CACNA1A: variants seen among roughly 807,000 people sequenced by gnomAD.
The protein encoded by CACNA1A is voltage-dependent P/Q-type calcium channel subunit alpha-1A.
In CACNA1A, 57 loss-of-function variants were observed where a neutral mutation model predicts 262.4. The ratio of observed to expected loss-of-function variants is 0.22; its 90% confidence interval spans 0.18 to 0.27. The LOEUF (loss-of-function observed/expected upper bound fraction) is 0.27. Ranked by LOEUF, CACNA1A falls within the 10% of genes least tolerant of loss-of-function variation. The probability of loss-of-function intolerance (pLI) is 1.00; values close to 1 mark genes in which losing one functional copy is unlikely to be tolerated. For synonymous variants in CACNA1A, 1,431 were observed against 1,419.3 expected, an observed-to-expected ratio of 1.01 and a Z score of -0.18; for missense variants, 2,526 against 3,562.8, an observed-to-expected ratio of 0.71 and a Z score of 7.41.
chr19:13,282,135 T>C (rs2057306571), intron 22 of CACNA1A, among the ~76,000 whole-genome samples: 1 of 152,190 alleles, frequency 6.6e-6, no homozygotes, highest in African/African-American at 2.4e-5. Context: ...AATTATTTCC[T>C]TCCATCTCCC....
chr19:13,266,505 C>T (rs2144788970), intron 24 of CACNA1A, among the ~76,000 whole-genome samples: 1 of 152,302 alleles, frequency 6.6e-6, no homozygotes, highest in Admixed American at 6.5e-5. Context: ...GAGCATGTCT[C>T]CATGGGCATT....
chr19:13,262,539 C>T, intron 25 of CACNA1A, 195 bp downstream of exon 25: 1 of 565,880 alleles, frequency 1.8e-6, no homozygotes, highest in South Asian at 2.3e-5. Context: ...CCATAATACA[C>T]AGATTATTTT....
intron 3 of CACNA1A, among the ~76,000 whole-genome samples, chr19:13,431,271 G>A (rs1435685440): frequency 6.6e-6 from 1 of 152,008 alleles, no homozygotes; most frequent in Non-Finnish European, 1.5e-5. Flanking sequence ...TTTAGTCCAG[G>A]CCAGCAAAGA....
At chr19:13,486,731 A>T (rs898833974) in intron 1 of CACNA1A, among the ~76,000 whole-genome samples, 4 of 151,568 alleles carry the variant, frequency 2.6e-5, no homozygotes, top group Non-Finnish European at 5.9e-5. Flanking sequence ...CCTCTCCTTC[A>T]TCCCTTCCAT....
intron 3 of CACNA1A, among the ~76,000 whole-genome samples, chr19:13,376,848 T>C (rs1411625392): frequency 6.8e-6 from 1 of 146,324 alleles, no homozygotes; most frequent in Admixed American, 6.9e-5. Flanking sequence ...ATGTGATATA[T>C]AACACATATG....
At chr19:13,334,184 A>T (rs1043122878) in intron 8 of CACNA1A, 194 bp downstream of exon 8, 4 of 553,258 alleles carry the variant, frequency 7.2e-6, no homozygotes, top group Non-Finnish European at 1.3e-5. Flanking sequence ...GTGATGTCAG[A>T]TCCTGGCTTC....
intron 37 of CACNA1A, 50 bp downstream of exon 37, chr19:13,227,381 G>A (rs12982491): frequency 5.2e-5 from 30 of 573,572 alleles, no homozygotes; most frequent in South Asian, 1.5e-4. Flanking sequence ...AGAAGAAGAA[G>A]AAAAAAAAAC....
intron 34 of CACNA1A, among the ~76,000 whole-genome samples, chr19:13,233,897 A>C (rs1174686497): frequency 1.3e-5 from 2 of 152,056 alleles, no homozygotes; most frequent in Non-Finnish European, 2.9e-5. Flanking sequence ...AGTGCTTAAA[A>C]TGTCTCTTTT....
Position 13,207,301 on chromosome 19 carries a change from C to G in CACNA1A, c.*12G>C. On this transcript the variant is annotated 3_prime_UTR_variant, in exon 47 of 47. Transcript: ENST00000360228. The surrounding 1 kb of genome is among the most constrained non-coding windows in gnomAD (Gnocchi z 5.7). ...TGCGTGGGGGGCCGGGCGGGCGCCA[C>G]CTCGCCCGGGCTTAGCACCAATCAT... is the stretch of plus-strand genomic sequence containing the variant. 6.5e-7 allele frequency: 1 copy of G among 1,544,586 alleles called. No homozygotes were observed. The highest frequency in any genetic ancestry group is 8.7e-7 in the Non-Finnish European group (1 of 1,152,704).
intron 12 of CACNA1A, among the ~76,000 whole-genome samples, chr19:13,312,116 G>A (rs914912226): frequency 1.3e-5 from 2 of 152,154 alleles, no homozygotes; most frequent in African/African-American, 2.4e-5. Context: ...AGGATTGGAC[G>A]TAGATTATTC....
At chr19:13,415,959 T>A (rs760352939) in intron 3 of CACNA1A, among the ~76,000 whole-genome samples, 15 of 152,038 alleles carry the variant, frequency 9.9e-5, no homozygotes, top group Non-Finnish European at 2.1e-4. Flanking sequence ...CCCACAGGCC[T>A]CTGAGCGGTC....
chr19:13,262,838 G>A lies in CACNA1A; in HGVS notation c.3990-5C>T. The A allele has an allele frequency of 1.3e-6, 2 of 1,598,300 alleles. No homozygotes were observed. Among genetic ancestry groups the A allele is most frequent in the Non-Finnish European group, 1.7e-6 (2 of 1,166,958 alleles). ...TCTTTTCCTTTGCTATTGCCACTGT[G>A]GAGGAATGTTTAGGTGGGAAGAAGG... On this transcript the variant is annotated splice_polypyrimidine_tract_variant and splice_region_variant and intron_variant, in intron 24 of 46. Coordinates refer to ENST00000360228, the MANE Select transcript of CACNA1A (RefSeq NM_001127222.2).
intron 6 of CACNA1A, among the ~76,000 whole-genome samples, chr19:13,347,566 C>G (rs956954734): frequency 6.6e-6 from 1 of 152,182 alleles, no homozygotes; most frequent in Non-Finnish European, 1.5e-5. Context: ...TTCACTTACG[C>G]GCTTTATCTG....
At chr19:13,328,086 T>C (rs2058397518) in intron 10 of CACNA1A, among the ~76,000 whole-genome samples, 1 of 151,848 alleles carries the variant, frequency 6.6e-6, no homozygotes, top group Non-Finnish European at 1.5e-5. Context: ...ATTTTGTTTT[T>C]CAGAGATGGA....
chr19:13,475,228 C>T (rs1978382068), intron 1 of CACNA1A, among the ~76,000 whole-genome samples: 1 of 152,152 alleles, frequency 6.6e-6, no homozygotes, highest in African/African-American at 2.4e-5. Context: ...TACAGTCAGC[C>T]TAGTCTATGT....
chr19:13,252,237 A>G (rs2056418680), intron 30 of CACNA1A, among the ~76,000 whole-genome samples: 1 of 151,638 alleles, frequency 6.6e-6, no homozygotes, highest in Admixed American at 6.6e-5. Context: ...TAATTAAAAA[A>G]AAATTTTTTT....
intron 1 of CACNA1A, among the ~76,000 whole-genome samples, chr19:13,493,058 C>T (rs1184573655): frequency 6.6e-6 from 1 of 152,150 alleles, no homozygotes; most frequent in Non-Finnish European, 1.5e-5. Context: ...GGGAGGCCGC[C>T]GCAGTTTTCA....
intron 5 of CACNA1A, chr19:13,362,556 T>A (rs1016535239): frequency 2.0e-5 from 3 of 152,146 alleles, no homozygotes; most frequent in African/African-American, 7.2e-5. Context: ...TTGCCTAGGC[T>A]GGTCTCAAAC....
intron 21 of CACNA1A, among the ~76,000 whole-genome samples, chr19:13,284,765 TGACAAATTTATTTGTTGTTTAG>T (rs1475936960): frequency 6.6e-6 from 1 of 152,236 alleles, no homozygotes; most frequent in Non-Finnish European, 1.5e-5. Context: ...TGTTTATTTA[TGACAAATTTATTTGTTGTTTAG>T]GACAAATTTA....
Sources: allele counts gnomAD v4.1 joint callset (sites outside exome capture counted in the v4.1 genomes callset), GRCh38; gene constraint gnomAD v4.1.1; non-coding constraint Gnocchi (gnomAD v3.1); transcripts MANE v1.5; gene names NCBI Gene and HGNC (gene_info 2026-07-23, HGNC 2026-07-21).